MYRIP: variants seen among roughly 807,000 people sequenced by gnomAD.
MYRIP encodes the protein rab effector MyRIP.
MYRIP carries 49 observed loss-of-function variants against 98.0 expected under a neutral mutation model. That is an observed-to-expected ratio of 0.50 (90% CI 0.40 to 0.63). The LOEUF is 0.63. Among genes scored for constraint, MYRIP ranks in the 30% least tolerant of loss-of-function variants. The pLI, the probability that MYRIP is intolerant of heterozygous loss-of-function variation, is 0.00. For synonymous variants in MYRIP, 404 were observed against 409.5 expected (o/e 0.99, Z 0.16); for missense variants, 1,004 against 1,058.2 (o/e 0.95, Z 0.71).
At chr3:40,122,228 G>T (rs1949418812) in intron 3 of MYRIP, among the ~76,000 whole-genome samples, 1 of 151,466 alleles carries the variant, frequency 6.6e-6, no homozygotes, top group South Asian at 2.1e-4. Context: ...TTCTGAATTT[G>T]AAAGTAAATG....
At chr3:39,913,507 G>T (rs1944076657) in intron 2 of MYRIP, among the ~76,000 whole-genome samples, 1 of 152,080 alleles carries the variant, frequency 6.6e-6, no homozygotes. Flanking sequence ...GATACTATCA[G>T]AATTAAATTT....
intron 11 of MYRIP, among the ~76,000 whole-genome samples, chr3:40,220,414 C>T (rs967891245): frequency 2.0e-5 from 3 of 152,122 alleles, no homozygotes; most frequent in South Asian, 2.1e-4. Flanking sequence ...CTTGCTCATG[C>T]GTATGTCCTG....
intron 3 of MYRIP, among the ~76,000 whole-genome samples, chr3:40,084,782 G>GTTACATGTCGATAGATAATATATATCTA (rs1948584351): frequency 2.7e-5 from 1 of 36,724 alleles, no homozygotes; most frequent in African/African-American, 7.9e-5. Context: ...ATATATATGT[G>GTTACATGTCGATAGATAATATATATCTA]TTACATGTCG....
chr3:39,991,129 C>T (rs555340762), intron 2 of MYRIP, among the ~76,000 whole-genome samples: 115 of 152,226 alleles, frequency 7.6e-4, no homozygotes, highest in African/African-American at 2.3e-3. Context: ...GTATGTGTAA[C>T]CCAGAACTTA....
chr3:39,918,075 C>T (rs12486617), intron 2 of MYRIP, among the ~76,000 whole-genome samples: 66,166 of 151,760 alleles, frequency 0.44, 14,581 homozygotes, highest in East Asian at 0.53. Context: ...TACAGGCGCC[C>T]GCCACCACGC....
intron 1 of MYRIP, among the ~76,000 whole-genome samples, chr3:39,817,092 T>G (rs560718358): frequency 2.6e-5 from 4 of 152,236 alleles, no homozygotes; most frequent in Non-Finnish European, 5.9e-5. Context: ...CTGGACATGA[T>G]AGTGCAAATT....
At chr3:40,228,130 C>T (rs564392796) in intron 11 of MYRIP, among the ~76,000 whole-genome samples, 142 of 152,200 alleles carry the variant, frequency 9.3e-4, no homozygotes, top group Non-Finnish European at 1.7e-3. Flanking sequence ...CACTCAGGGC[C>T]CCCATGGATA....
rs529778348 is a variant in MYRIP at position 40,047,463 on chromosome 3, G to A, written c.332+3192G>A. ...TTTAAGAAAGTGGAGGGTTACTGAG[G>A]AGTCTTCCACATTCAATGTGTCTAG... On this transcript the variant is annotated intron_variant, in intron 3 of 16. Transcript: ENST00000302541. Among the ~76,000 whole-genome samples the A allele has an allele frequency of 7.2e-5, 11 of 152,310 alleles. No homozygotes were observed. In the South Asian group the frequency reaches 1.7e-3, roughly 23 times the overall value.
At chr3:40,004,245 G>A (rs1226700407) in intron 2 of MYRIP, among the ~76,000 whole-genome samples, 1 of 152,190 alleles carries the variant, frequency 6.6e-6, no homozygotes, top group Non-Finnish European at 1.5e-5. Flanking sequence ...TAAAGAGGGT[G>A]CATTTGATAG....
At chr3:40,092,600 T>A (rs937834263) in intron 3 of MYRIP, among the ~76,000 whole-genome samples, 3 of 152,160 alleles carry the variant, frequency 2.0e-5, no homozygotes, top group Non-Finnish European at 4.4e-5. Context: ...GTTCTTAAAG[T>A]CATGGTACAT....
intron 2 of MYRIP, among the ~76,000 whole-genome samples, chr3:39,992,348 C>T (rs937464598): frequency 2.6e-5 from 4 of 152,212 alleles, no homozygotes; most frequent in Non-Finnish European, 5.9e-5. Context: ...CTGGAGCTCA[C>T]TGTCATCATT....
intron 2 of MYRIP, among the ~76,000 whole-genome samples, chr3:39,979,242 C>T (rs960235769): frequency 2.6e-5 from 4 of 152,124 alleles, no homozygotes; most frequent in African/African-American, 7.2e-5. Flanking sequence ...GCCTCAGCCT[C>T]CTGAATAGCT....
intron 11 of MYRIP, among the ~76,000 whole-genome samples, chr3:40,233,353 C>T (rs185013841): frequency 3.3e-5 from 5 of 152,286 alleles, no homozygotes; most frequent in Admixed American, 1.3e-4. Flanking sequence ...CTAGTACTCT[C>T]ATTGTACAGA....
intron 1 of MYRIP, among the ~76,000 whole-genome samples, chr3:39,842,299 T>C (rs1396098939): frequency 6.6e-6 from 1 of 152,250 alleles, no homozygotes; most frequent in African/African-American, 2.4e-5. Flanking sequence ...TAATGGCTGA[T>C]GCCCCTCCCC....
At chr3:39,867,915 T>A (rs138367940) in intron 1 of MYRIP, among the ~76,000 whole-genome samples, 170 of 152,254 alleles carry the variant, frequency 1.1e-3, no homozygotes, top group Non-Finnish European at 2.1e-3. Context: ...CATCAGCAGA[T>A]GAATGGATGA....
At chr3:40,128,983 T>G (rs1293882326) in intron 3 of MYRIP, among the ~76,000 whole-genome samples, 1 of 152,194 alleles carries the variant, frequency 6.6e-6, no homozygotes, top group Non-Finnish European at 1.5e-5. Flanking sequence ...CTATTGTATC[T>G]GAATTTTGAA....
intron 8 of MYRIP, chr3:40,173,808 G>A (rs1199817762): frequency 6.6e-6 from 1 of 152,056 alleles, no homozygotes; most frequent in African/African-American, 2.4e-5. Flanking sequence ...TACCTCTCAG[G>A]ATTTTATTTG....
At chr3:40,077,979 G>A (rs1208938672) in intron 3 of MYRIP, among the ~76,000 whole-genome samples, 1 of 152,254 alleles carries the variant, frequency 6.6e-6, no homozygotes, top group Non-Finnish European at 1.5e-5. Context: ...GGAGCAGGGG[G>A]TGGCGCTCGT....
At chr3:40,161,116 G>A (rs959601754) in intron 4 of MYRIP, among the ~76,000 whole-genome samples, 1 of 152,116 alleles carries the variant, frequency 6.6e-6, no homozygotes, top group Non-Finnish European at 1.5e-5. Flanking sequence ...TTTTAAAAAT[G>A]CTGAGCCACA....
Sources: gnomAD v4.1 joint callset for allele counts (sites outside exome capture counted in the v4.1 genomes callset) on GRCh38, gnomAD v4.1.1 for gene constraint, MANE v1.5 for transcripts, NCBI Gene and HGNC (gene_info 2026-07-23, HGNC 2026-07-21) for gene names.